The following TRIO variants were observed in gnomAD, a reference collection of about 807,000 sequenced individuals.
The protein encoded by TRIO is trio Rho guanine nucleotide exchange factor.
TRIO carries 58 observed loss-of-function variants against 351.9 expected under a neutral mutation model. That is an observed-to-expected ratio of 0.16 (90% CI 0.13 to 0.21). The LOEUF (loss-of-function observed/expected upper bound fraction) is 0.21, where lower values mean the gene tolerates loss of function less well. TRIO is among the 10% of genes least tolerant of loss of function. The pLI is 1.00. For missense variants in TRIO, 3,201 were observed against 4,027.8 expected (o/e 0.79, Z 5.56); for synonymous variants, 1,758 against 1,595.7 (o/e 1.10, Z -2.42).
chr5:14,206,624 T>C (rs1002248421), intron 1 of TRIO, among the ~76,000 whole-genome samples: 3 of 152,226 alleles, frequency 2.0e-5, no homozygotes, highest in African/African-American at 7.2e-5. Context: ...GCTGCCTTGC[T>C]CCTGAAATTT....
At chr5:14,352,218 T>TC (rs1164271257) in intron 11 of TRIO, among the ~76,000 whole-genome samples, 8 of 152,092 alleles carry the variant, frequency 5.3e-5, no homozygotes, top group Non-Finnish European at 1.0e-4. Flanking sequence ...GGCCTGCAGA[T>TC]CCCCTGGGCA....
chr5:14,270,096 A>G (rs1795897361), intron 1 of TRIO, among the ~76,000 whole-genome samples: 1 of 152,226 alleles, frequency 6.6e-6, no homozygotes, highest in Admixed American at 6.5e-5. Flanking sequence ...CCTTTTGCTT[A>G]GATGGATTTT....
intron 18 of TRIO, among the ~76,000 whole-genome samples, chr5:14,371,638 A>G (rs1047214580): frequency 1.3e-5 from 2 of 151,290 alleles, no homozygotes; most frequent in Non-Finnish European, 2.9e-5. Flanking sequence ...ATTGTTCTGT[A>G]AATGTTTTTT....
intron 1 of TRIO, among the ~76,000 whole-genome samples, chr5:14,234,994 G>GC (rs1297600741): frequency 6.6e-6 from 1 of 151,858 alleles, no homozygotes; most frequent in Non-Finnish European, 1.5e-5. Context: ...GTTCTACTTT[G>GC]CCCTAAATTA....
intron 3 of TRIO, among the ~76,000 whole-genome samples, chr5:14,281,430 C>A (rs997549171): frequency 9.7e-5 from 12 of 123,128 alleles, no homozygotes; most frequent in East Asian, 3.1e-4. Context: ...TAGAACCCCC[C>A]CCCCCCGCCC....
chr5:14,418,184 G>C (rs568262196), intron 33 of TRIO, among the ~76,000 whole-genome samples: 18 of 152,236 alleles, frequency 1.2e-4, no homozygotes, highest in Non-Finnish European at 2.6e-4. Context: ...CAGCAAGAGG[G>C]ATGGTATGGG....
chr5:14,433,107 A>T (rs1751310564), intron 34 of TRIO, among the ~76,000 whole-genome samples: 1 of 152,206 alleles, frequency 6.6e-6, no homozygotes, highest in Non-Finnish European at 1.5e-5. Flanking sequence ...GCAAACAGAG[A>T]ATGTCACATA....
chr5:14,456,070 G>C (rs1753276265), intron 34 of TRIO, among the ~76,000 whole-genome samples: 1 of 152,258 alleles, frequency 6.6e-6, no homozygotes, highest in Non-Finnish European at 1.5e-5. Context: ...CTGGCTGGCA[G>C]TGCTGGGGGA....
intron 34 of TRIO, among the ~76,000 whole-genome samples, chr5:14,437,000 T>C (rs1212571134): frequency 6.6e-6 from 1 of 152,168 alleles, no homozygotes; most frequent in Non-Finnish European, 1.5e-5. Context: ...CTCCTGTATG[T>C]GTGTGTATGA....
At chr5:14,383,150 T>C (rs1746260372) in intron 21 of TRIO, among the ~76,000 whole-genome samples, 2 of 152,208 alleles carry the variant, frequency 1.3e-5, no homozygotes, top group Non-Finnish European at 2.9e-5. Flanking sequence ...GACAAGATCC[T>C]GTCTCTACAA....
At chr5:14,298,127 A>C (rs1255645237) in intron 7 of TRIO, among the ~76,000 whole-genome samples, 1 of 152,136 alleles carries the variant, frequency 6.6e-6, no homozygotes, top group Non-Finnish European at 1.5e-5. Flanking sequence ...TCATAATTAT[A>C]AACTTAGCTA....
chr5:14,371,495 T>G (rs937348479), intron 18 of TRIO, among the ~76,000 whole-genome samples: 1 of 152,252 alleles, frequency 6.6e-6, no homozygotes, highest in African/African-American at 2.4e-5. Context: ...ATTCTAGATA[T>G]ATCATTTTAT....
chr5:14,493,967 T>A (rs1411690644), intron 49 of TRIO, among the ~76,000 whole-genome samples: 1 of 152,168 alleles, frequency 6.6e-6, no homozygotes, highest in East Asian at 1.9e-4. Flanking sequence ...TCTCTCCAGT[T>A]CTATAAAGGC....
chr5:14,348,836 T>A (rs1197679988), intron 11 of TRIO, among the ~76,000 whole-genome samples: 1 of 131,692 alleles, frequency 7.6e-6, no homozygotes, highest in African/African-American at 3.2e-5. Context: ...TTTATGTGTG[T>A]GTACGCACGT....
At chr5:14,446,982 A>G (rs542847997) in intron 34 of TRIO, among the ~76,000 whole-genome samples, 18 of 152,306 alleles carry the variant, frequency 1.2e-4, no homozygotes, top group African/African-American at 4.1e-4. Flanking sequence ...TGTAATCCCA[A>G]TACTTTGGGA....
At chr5:14,301,405 C>T (rs1206080726) in intron 7 of TRIO, among the ~76,000 whole-genome samples, 1 of 152,006 alleles carries the variant, frequency 6.6e-6, no homozygotes, top group African/African-American at 2.4e-5. Context: ...GCTTTGTGTT[C>T]ACGTATTTTG....
intron 1 of TRIO, among the ~76,000 whole-genome samples, chr5:14,221,874 G>A (rs1022875802): frequency 2.0e-5 from 3 of 152,238 alleles, no homozygotes; most frequent in Non-Finnish European, 4.4e-5. Flanking sequence ...GGGTTGAGAA[G>A]CTTGACTCTA....
At chr5:14,221,799 C>T (rs534924900) in intron 1 of TRIO, among the ~76,000 whole-genome samples, 2 of 152,316 alleles carry the variant, frequency 1.3e-5, no homozygotes, top group South Asian at 4.1e-4. Flanking sequence ...ATGCTGTGAA[C>T]TTGGTTGAAG....
intron 1 of TRIO, among the ~76,000 whole-genome samples, chr5:14,172,845 G>A (rs188385420): frequency 5.3e-5 from 8 of 152,324 alleles, no homozygotes; most frequent in Non-Finnish European, 1.2e-4. Context: ...CTATCTTGAG[G>A]CAGGTGTCAT....
Sources: allele counts gnomAD v4.1 joint callset (sites outside exome capture counted in the v4.1 genomes callset), GRCh38; gene constraint gnomAD v4.1.1; transcripts MANE v1.5; gene names NCBI Gene and HGNC (gene_info 2026-07-23, HGNC 2026-07-21).